Variants in AGBL4 observed in about 807,000 individuals in gnomAD.
AGBL4 encodes cytosolic carboxypeptidase 6.
A neutral mutation model predicts 66.4 loss-of-function variants in AGBL4; 58 were observed. The observed-to-expected ratio is 0.87, with a 90% CI of 0.71 to 1.09. The LOEUF (loss-of-function observed/expected upper bound fraction) is 1.09, where lower values mean the gene tolerates loss of function less well. Ranked by LOEUF, AGBL4 falls within the 50% of genes least tolerant of loss-of-function variation. The probability of loss-of-function intolerance (pLI) is 0.00; values close to 1 mark genes in which losing one functional copy is unlikely to be tolerated. For synonymous variants in AGBL4, 234 were observed against 222.9 expected, an observed-to-expected ratio of 1.05 and a Z score of -0.44; for missense variants, 579 against 631.0, an observed-to-expected ratio of 0.92 and a Z score of 0.88.
intron 3 of AGBL4, among the ~76,000 whole-genome samples, chr1:49,443,443 T>C (rs1646081447): frequency 6.6e-6 from 1 of 152,110 alleles, no homozygotes; most frequent in Non-Finnish European, 1.5e-5. Flanking sequence ...TGATTTTTTA[T>C]ATGGTGACAA....
At chr1:49,623,485 C>A (rs1645406328) in intron 3 of AGBL4, among the ~76,000 whole-genome samples, 1 of 152,098 alleles carries the variant, frequency 6.6e-6, no homozygotes, top group Non-Finnish European at 1.5e-5. Context: ...TTTAACTACC[C>A]TTTTATCTGT....
At chr1:49,933,193 T>C (rs1268043112) in intron 1 of AGBL4, among the ~76,000 whole-genome samples, 1 of 152,108 alleles carries the variant, frequency 6.6e-6, no homozygotes, top group African/African-American at 2.4e-5. Flanking sequence ...AATAGTAATG[T>C]ACAAGTGAGT....
At chr1:48,668,505 G>C (rs566664971) in intron 6 of AGBL4, among the ~76,000 whole-genome samples, 4 of 152,110 alleles carry the variant, frequency 2.6e-5, no homozygotes, top group Non-Finnish European at 5.9e-5. Flanking sequence ...CCCAGCCCCA[G>C]CTAGCACTCC....
chr1:48,963,508 T>C (rs1355787924), intron 5 of AGBL4, among the ~76,000 whole-genome samples: 1 of 152,064 alleles, frequency 6.6e-6, no homozygotes, highest in East Asian at 1.9e-4. Context: ...CATCTTTTTT[T>C]TTTTTTTTAA....
rs142222813 is a variant in AGBL4, at chr1:48,797,097, A to G, written c.634+70094T>C. Among the ~76,000 whole-genome samples the G allele has an allele frequency of 7.8e-3, 1,184 of 152,350 alleles. 16 individuals are homozygous for G. Among genetic ancestry groups the G allele is most frequent in the Middle Eastern group, 0.037 (11 of 294 alleles). On this transcript the variant is annotated intron_variant, in intron 6 of 13. Coordinates refer to ENST00000371839, the MANE Select transcript of AGBL4 (RefSeq NM_032785.4). ...ACCCTTACGTGAAGTTTGATGGTGT[A>G]GAGAATAGAAACTCAGCTTACTGAA...
chr1:49,712,234 A>G (rs1258462719), intron 2 of AGBL4, among the ~76,000 whole-genome samples: 1 of 151,918 alleles, frequency 6.6e-6, no homozygotes, highest in Admixed American at 6.6e-5. Context: ...CCAAAGGGTA[A>G]GATCTCCTTT....
At chr1:49,445,109 G>T (rs1171163639) in intron 3 of AGBL4, among the ~76,000 whole-genome samples, 2 of 151,538 alleles carry the variant, frequency 1.3e-5, no homozygotes, top group Non-Finnish European at 2.9e-5. Flanking sequence ...ATTTATGAAA[G>T]ATTTCTTTGC....
chr1:49,377,461 T>C (rs951866642), intron 3 of AGBL4, among the ~76,000 whole-genome samples: 1 of 152,142 alleles, frequency 6.6e-6, no homozygotes, highest in African/African-American at 2.4e-5. Flanking sequence ...AATCTATGAC[T>C]GTCTGGCTTT....
At chr1:49,993,695 T>G (rs1660133180) in intron 1 of AGBL4, among the ~76,000 whole-genome samples, 1 of 152,162 alleles carries the variant, frequency 6.6e-6, no homozygotes, top group African/African-American at 2.4e-5. Flanking sequence ...AACCATTGCT[T>G]AGTTCCAATA....
intron 5 of AGBL4, among the ~76,000 whole-genome samples, chr1:48,988,096 C>T (rs1264741421): frequency 2.0e-5 from 3 of 152,088 alleles, no homozygotes; most frequent in African/African-American, 7.2e-5. Context: ...CCTCATTCCC[C>T]ATCCCAGGGG....
At chr1:49,736,588 A>T (rs1480831055) in intron 2 of AGBL4, among the ~76,000 whole-genome samples, 3 of 152,176 alleles carry the variant, frequency 2.0e-5, no homozygotes, top group African/African-American at 7.2e-5. Flanking sequence ...CAGCAAAAGT[A>T]GTGTCGACAT....
At chr1:49,775,596 A>G (rs541599744) in intron 2 of AGBL4, among the ~76,000 whole-genome samples, 1 of 152,226 alleles carries the variant, frequency 6.6e-6, no homozygotes, top group East Asian at 1.9e-4. Context: ...AACAATATTA[A>G]CCAGTTTATT....
chr1:49,115,189 C>G (rs76182965), intron 4 of AGBL4, among the ~76,000 whole-genome samples: 2 of 152,092 alleles, frequency 1.3e-5, no homozygotes, highest in Non-Finnish European at 2.9e-5. Flanking sequence ...AATAAAGAAT[C>G]CTGTTTGGGC....
chr1:49,805,980 A>C (rs1644968085), intron 2 of AGBL4, among the ~76,000 whole-genome samples: 1 of 152,222 alleles, frequency 6.6e-6, no homozygotes, highest in African/African-American at 2.4e-5. Context: ...GACTAATGCA[A>C]ATGTTTGTAC....
At chr1:49,236,918 G>A (rs2148309898) in intron 4 of AGBL4, among the ~76,000 whole-genome samples, 1 of 152,128 alleles carries the variant, frequency 6.6e-6, no homozygotes, top group Non-Finnish European at 1.5e-5. Context: ...ATCATGGGGT[G>A]AGACTTTCCT....
chr1:48,761,834 C>A (rs1644269684), intron 6 of AGBL4, among the ~76,000 whole-genome samples: 1 of 152,128 alleles, frequency 6.6e-6, no homozygotes, highest in Non-Finnish European at 1.5e-5. Context: ...ACATGAATCC[C>A]TCAACTCAAC....
rs1448869485 is a variant in AGBL4, at chr1:48,593,506, C to T, written c.952-2521G>A. Among the ~76,000 whole-genome samples the T allele has an allele frequency of 1.3e-5, 2 of 152,138 alleles. 1 individual carries two copies. Among genetic ancestry groups the T allele is most frequent in the South Asian group, 4.1e-4 (2 of 4,832 alleles). ...GTGGCTCATGCCTGTAATCCCAGCA[C>T]TTTGGGAGGCAAAGGCAGGCAGATC... is the stretch of plus-strand genomic sequence containing the variant. On this transcript the variant is annotated intron_variant, in intron 9 of 13. Transcript: ENST00000371839.
At chr1:49,524,331 G>A (rs1650494045) in intron 3 of AGBL4, among the ~76,000 whole-genome samples, 1 of 152,056 alleles carries the variant, frequency 6.6e-6, no homozygotes, top group African/African-American at 2.4e-5. Context: ...TATAGACAGG[G>A]TAAGTAACTT....
chr1:49,372,610 TC>T (rs1644373780), intron 3 of AGBL4, among the ~76,000 whole-genome samples: 1 of 7,512 alleles, frequency 1.3e-4, no homozygotes, highest in Non-Finnish European at 2.8e-4. Context: ...TTTTTCTTTT[TC>T]TTTCTTTCTT....
Sources: allele counts gnomAD v4.1 joint callset (sites outside exome capture counted in the v4.1 genomes callset), GRCh38; gene constraint gnomAD v4.1.1; transcripts MANE v1.5; gene names NCBI Gene and HGNC (gene_info 2026-07-23, HGNC 2026-07-21).